DSCAM: variants seen among roughly 807,000 people sequenced by gnomAD.
The protein encoded by DSCAM is DS cell adhesion molecule.
Under a neutral mutation model 217.7 loss-of-function variants are expected in DSCAM, and 47 were observed. That is an observed-to-expected ratio of 0.22 (90% confidence interval 0.17 to 0.28). DSCAM has a LOEUF of 0.28. Ranked by LOEUF, DSCAM falls within the 10% of genes least tolerant of loss-of-function variation. DSCAM has a pLI of 1.00. For synonymous variants in DSCAM, 1,056 were observed against 1,015.3 expected, an observed-to-expected ratio of 1.04 and a Z score of -0.76; for missense variants, 2,080 against 2,618.3, an observed-to-expected ratio of 0.79 and a Z score of 4.49.
chr21:40,652,764 G>T (rs1214999562), intron 3 of DSCAM, among the ~76,000 whole-genome samples: 1 of 152,198 alleles, frequency 6.6e-6, no homozygotes, highest in Non-Finnish European at 1.5e-5. Context: ...CCTGATAAAA[G>T]TGTCATTACA....
chr21:40,634,871 C>T (rs1351213260), intron 3 of DSCAM, among the ~76,000 whole-genome samples: 2 of 152,200 alleles, frequency 1.3e-5, no homozygotes, highest in African/African-American at 4.8e-5. Flanking sequence ...CAGCCTCAAC[C>T]TACTATCACC....
Position 40,350,945 on chromosome 21 carries a change from G to A in DSCAM, c.934+2520C>T, listed in dbSNP as rs1015559653. On this transcript the variant is annotated intron_variant, in intron 5 of 32. Coordinates refer to ENST00000400454, the MANE Select transcript of DSCAM (RefSeq NM_001389.5). Reference sequence around the variant, plus strand: ...GCTCTGTCACCTAGGCTGGAGTGCAGTGGCACAATCATACAGAGGAGTTTC... The same window carrying A: ...GCTCTGTCACCTAGGCTGGAGTGCAATGGCACAATCATACAGAGGAGTTTC... Among the ~76,000 whole-genome samples, 7 of 131,778 alleles carry A rather than the reference G, an allele frequency of 5.3e-5. No homozygotes were observed. In the East Asian group the frequency reaches 6.9e-4, roughly 13 times the overall value. 86.5% of individuals were successfully genotyped at this position (131,778 alleles called of 152,430 possible). A position where few individuals can be genotyped will look rare whatever the true frequency, so the allele number is the denominator to read the frequency against.
chr21:40,138,828 GTGTGTGGTGTA>G (rs1314136774), intron 18 of DSCAM, among the ~76,000 whole-genome samples: 31 of 147,266 alleles, frequency 2.1e-4, no homozygotes, highest in Non-Finnish European at 9.0e-5. Context: ...GTGTGGTGTG[GTGTGTGGTGTA>G]TGTGGGGTGT....
chr21:40,282,430 A>G (rs1416126768), intron 10 of DSCAM, among the ~76,000 whole-genome samples: 1 of 151,440 alleles, frequency 6.6e-6, no homozygotes, highest in Non-Finnish European at 1.5e-5. Flanking sequence ...TACTAAAAAT[A>G]CAAAAAAAAA....
In DSCAM at chr21:40,822,349, C is replaced by G. The variant is rs1039175069; in HGVS notation, c.43+24270G>C. Among the ~76,000 whole-genome samples, 48 of 99,966 alleles carry G rather than the reference C, an allele frequency of 4.8e-4. No homozygotes were observed. In the South Asian group the frequency reaches 0.012, roughly 25 times the overall value. The allele number at this position is 99,966 out of a possible 152,430, so 65.6% of individuals were successfully genotyped here. On this transcript the variant is annotated intron_variant, in intron 1 of 32. Coordinates refer to ENST00000400454, the MANE Select transcript of DSCAM (RefSeq NM_001389.5). ...AAAAAAAAAAAAAAAAAAAAAAAGT[C>G]TTTTTAGAATGATCAGGAGCTCATT... is the stretch of plus-strand genomic sequence containing the variant.
chr21:40,471,917 A>G (rs957215946), intron 3 of DSCAM, among the ~76,000 whole-genome samples: 2 of 152,196 alleles, frequency 1.3e-5, no homozygotes, highest in East Asian at 1.9e-4. Context: ...TACATTAGGT[A>G]TATCTCCTAA....
intron 11 of DSCAM, among the ~76,000 whole-genome samples, chr21:40,206,561 G>T (rs1292813757): frequency 1.3e-5 from 2 of 152,060 alleles, no homozygotes; most frequent in African/African-American, 4.8e-5. Flanking sequence ...CATATTTCCT[G>T]GGCCATTTCC....
intron 1 of DSCAM, among the ~76,000 whole-genome samples, chr21:40,846,228 C>T (rs912262635): frequency 6.6e-6 from 1 of 152,094 alleles, no homozygotes; most frequent in Admixed American, 6.5e-5. Context: ...ATTGACCCCT[C>T]CACTTGCGTG....
At chr21:40,193,583 C>A (rs1324015703) in intron 11 of DSCAM, among the ~76,000 whole-genome samples, 1 of 152,170 alleles carries the variant, frequency 6.6e-6, no homozygotes, top group African/African-American at 2.4e-5. Flanking sequence ...GCCCCAATTC[C>A]TGATGAGTGT....
intron 21 of DSCAM, 129 bp from the exon 22 acceptor site, chr21:40,087,416 C>T: frequency 2.9e-6 from 2 of 678,476 alleles, no homozygotes; most frequent in South Asian, 1.8e-5. Context: ...CAACTGTCAA[C>T]ACTACTCTCT....
rs1217429969 is a variant in DSCAM, at chr21:40,013,028, T to C, written c.*6A>G. 2.1e-6 allele frequency: 3 copies of C among 1,443,042 alleles called. No homozygotes were observed. Among genetic ancestry groups the C allele is most frequent in the African/African-American group, 1.4e-5 (1 of 69,784 alleles). 89.4% of individuals were successfully genotyped at this position (1,443,042 alleles called of 1,614,324 possible). A position where few individuals can be genotyped will look rare whatever the true frequency, so the allele number is the denominator to read the frequency against. ...ATTTACAACCGCTGTCCAGTCATGC[T>C]GTCTGTTATACCAGGGTGTAAGATT... On this transcript the variant is annotated 3_prime_UTR_variant, in exon 33 of 33. Coordinates refer to ENST00000400454, the MANE Select transcript of DSCAM (RefSeq NM_001389.5).
intron 3 of DSCAM, among the ~76,000 whole-genome samples, chr21:40,574,282 C>G (rs1159025269): frequency 6.6e-6 from 1 of 152,058 alleles, no homozygotes; most frequent in African/African-American, 2.4e-5. Flanking sequence ...AGGTCATGAC[C>G]ATGTCAAGTT....
chr21:40,044,001 C>G, intron 31 of DSCAM, 77 bp downstream of exon 31: 1 of 1,495,878 alleles, frequency 6.7e-7, no homozygotes, highest in East Asian at 2.3e-5. Context: ...CTCTCCCCTC[C>G]CCAAGGAGCC....
chr21:40,492,707 T>C (rs1057351481), intron 3 of DSCAM, among the ~76,000 whole-genome samples: 1 of 148,724 alleles, frequency 6.7e-6, no homozygotes, highest in Non-Finnish European at 1.5e-5. Context: ...AATGAGAAAA[T>C]TTGAAGAAAG....
chr21:40,476,218 G>C (rs2075934295), intron 3 of DSCAM, among the ~76,000 whole-genome samples: 2 of 152,188 alleles, frequency 1.3e-5, no homozygotes, highest in Admixed American at 6.5e-5. Flanking sequence ...GGCCCTTAGT[G>C]AAGGTATATC....
At chr21:40,622,228 C>T (rs939672411) in intron 3 of DSCAM, among the ~76,000 whole-genome samples, 4 of 152,026 alleles carry the variant, frequency 2.6e-5, no homozygotes, top group Admixed American at 1.3e-4. Flanking sequence ...ACGTACTTTC[C>T]TGACTTTAAA....
At chr21:40,573,108 C>T (rs112295319) in intron 3 of DSCAM, among the ~76,000 whole-genome samples, 2 of 152,034 alleles carry the variant, frequency 1.3e-5, no homozygotes, top group Non-Finnish European at 2.9e-5. Context: ...GAGGCCGAGG[C>T]GGGCAGATCA....
intron 9 of DSCAM, among the ~76,000 whole-genome samples, chr21:40,302,641 T>C (rs1190523167): frequency 6.6e-6 from 1 of 152,202 alleles, no homozygotes; most frequent in Non-Finnish European, 1.5e-5. Flanking sequence ...CTCTGAATCA[T>C]AATTACGTGC....
chr21:40,672,946 G>A (rs8133267), intron 3 of DSCAM, among the ~76,000 whole-genome samples: 52,813 of 151,898 alleles, frequency 0.35, 10,610 homozygotes, highest in Non-Finnish European at 0.45. Flanking sequence ...GCTCTCCCCC[G>A]CACTTTTCTC....
Sources: allele counts gnomAD v4.1 joint callset (sites outside exome capture counted in the v4.1 genomes callset), GRCh38; gene constraint gnomAD v4.1.1; transcripts MANE v1.5; gene names NCBI Gene and HGNC (gene_info 2026-07-23, HGNC 2026-07-21).